DACH2: variants seen among roughly 807,000 people sequenced by gnomAD.
The protein encoded by DACH2 is dachshund homolog 2.
A neutral mutation model predicts 35.8 loss-of-function variants in DACH2; 17 were observed. The ratio of observed to expected loss-of-function variants is 0.48; its 90% confidence interval spans 0.33 to 0.71. DACH2 has a LOEUF of 0.71. Among genes scored for constraint, DACH2 ranks in the 30% least tolerant of loss-of-function variants. The probability of loss-of-function intolerance (pLI) is 0.02; values close to 1 mark genes in which losing one functional copy is unlikely to be tolerated. For synonymous variants in DACH2, 195 were observed against 177.3 expected (o/e 1.10, Z -0.79); for missense variants, 469 against 472.7 (o/e 0.99, Z 0.07).
chrX:86,584,649 ATTAATTTTCTTAGTC>A (rs2039545884), intron 3 of DACH2, among the ~76,000 whole-genome samples: 2 of 110,951 alleles, frequency 1.8e-5, no homozygotes, highest in African/African-American at 3.3e-5. Context: ...TGGGTCATTC[ATTAATTTTCTTAGTC>A]ATAATTTTTG....
At chrX:86,734,696 T>A (rs1192593259) in intron 6 of DACH2, among the ~76,000 whole-genome samples, 1 of 111,345 alleles carries the variant, frequency 9.0e-6, no homozygotes, top group Non-Finnish European at 1.9e-5. Flanking sequence ...GTGTCATGCT[T>A]CCAATAGTAT....
chrX:86,489,679 G>A (rs1046728676), intron 2 of DACH2, among the ~76,000 whole-genome samples: 24 of 111,199 alleles, frequency 2.2e-4, no homozygotes, highest in African/African-American at 2.9e-4. Context: ...AAATGATCTC[G>A]CTTCATAAAT....
At chrX:86,580,606 A>G (rs2039489875) in intron 3 of DACH2, among the ~76,000 whole-genome samples, 1 of 111,933 alleles carries the variant, frequency 8.9e-6, no homozygotes. Flanking sequence ...ACAAGTAATA[A>G]CAGCAGAATC....
chrX:86,148,598 C>A lies in DACH2; in HGVS notation c.-23C>A. 1 of 1,139,839 alleles carries A rather than the reference C, an allele frequency of 8.8e-7. No homozygotes were observed. The highest frequency in any genetic ancestry group is 1.2e-6 in the Non-Finnish European group (1 of 860,129). 93.9% of individuals were successfully genotyped at this position (1,139,839 alleles called of 1,213,427 possible). Reference sequence around the variant, plus strand: ...GGGCGAGAAAGCGAGGGCCGGAGGACCCACGATAGAGACAGAGTGACCATG... The same window carrying A: ...GGGCGAGAAAGCGAGGGCCGGAGGAACCACGATAGAGACAGAGTGACCATG... On this transcript the variant is annotated 5_prime_UTR_variant, in exon 1 of 12. Coordinates refer to ENST00000373125, the MANE Select transcript of DACH2 (RefSeq NM_053281.3).
chrX:86,230,531 C>T lies in DACH2; in HGVS notation c.488+81423C>T, dbSNP rs1340964619. 2.7e-5 allele frequency among the ~76,000 whole-genome samples: 3 copies of T among 111,367 alleles called. No homozygotes were observed. The Admixed American group carries it at 2.9e-4, about 11-fold the overall frequency. The stretch of plus-strand genomic sequence containing the variant: ...GAATTAGGGAGGGTTCCTTCTTTCT[C>T]TCTCTTGTGGAATAGTGTCAAAAGG... On this transcript the variant is annotated intron_variant, in intron 1 of 11. Coordinates refer to ENST00000373125, the MANE Select transcript of DACH2 (RefSeq NM_053281.3).
At chrX:86,171,768 T>C (rs1399883335) in intron 1 of DACH2, among the ~76,000 whole-genome samples, 1 of 111,788 alleles carries the variant, frequency 8.9e-6, no homozygotes. Flanking sequence ...TTTTTCTATC[T>C]CTTCGGTGTC....
chrX:86,446,292 T>C (rs1038586916), intron 2 of DACH2, among the ~76,000 whole-genome samples: 95 of 98,667 alleles, frequency 9.6e-4, no homozygotes, highest in African/African-American at 3.4e-3. Context: ...TTGTTTCTTT[T>C]TTTTTTTTTT....
intron 7 of DACH2, among the ~76,000 whole-genome samples, chrX:86,753,505 G>A (rs887439706): frequency 1.6e-4 from 18 of 111,478 alleles, no homozygotes; most frequent in Admixed American, 5.7e-4. Flanking sequence ...GAGAGTAAAT[G>A]TTATCAAAGT....
intron 4 of DACH2, among the ~76,000 whole-genome samples, chrX:86,669,800 C>T (rs1273163282): frequency 9.0e-6 from 1 of 110,837 alleles, no homozygotes; most frequent in Non-Finnish European, 1.9e-5. Flanking sequence ...TTTCCTAAAC[C>T]CTGGGTTCAT....
chrX:86,197,493 G>A (rs2032022983), intron 1 of DACH2, among the ~76,000 whole-genome samples: 1 of 111,175 alleles, frequency 9.0e-6, no homozygotes, highest in Non-Finnish European at 1.9e-5. Flanking sequence ...AAGATCCAAT[G>A]GTATGCTGTC....
chrX:86,780,801 G>T lies in DACH2; in HGVS notation c.1241-32055G>T, dbSNP rs575104198. Among the ~76,000 whole-genome samples the T allele has an allele frequency of 4.5e-5, 5 of 111,745 alleles. No homozygotes were observed. The East Asian group carries it at 1.4e-3, about 32-fold the overall frequency. Reference sequence around the variant, plus strand: ...CTTTAGTCTAGTTATAGGTTTAGAAGCAAACAGGCTTGTTGGGGATCGCTC... The same window carrying T: ...CTTTAGTCTAGTTATAGGTTTAGAATCAAACAGGCTTGTTGGGGATCGCTC... On this transcript the variant is annotated intron_variant, in intron 7 of 11. Coordinates refer to ENST00000373125, the MANE Select transcript of DACH2 (RefSeq NM_053281.3).
chrX:86,681,242 A>G (rs2040878170), intron 4 of DACH2, among the ~76,000 whole-genome samples: 1 of 111,442 alleles, frequency 9.0e-6, no homozygotes, highest in Non-Finnish European at 1.9e-5. Flanking sequence ...CTAGCACACT[A>G]CTTGAAAAAT....
At chrX:86,467,428 T>G (rs899312482) in intron 2 of DACH2, among the ~76,000 whole-genome samples, 5 of 111,952 alleles carry the variant, frequency 4.5e-5, no homozygotes, top group African/African-American at 1.6e-4. Flanking sequence ...ATCAGCTTTT[T>G]GGTCAAAGCC....
At chrX:86,748,980 GTTCC>G (rs1285301230) in intron 7 of DACH2, among the ~76,000 whole-genome samples, 4 of 111,984 alleles carry the variant, frequency 3.6e-5, no homozygotes, top group African/African-American at 9.7e-5. Context: ...TAAGGAGATT[GTTCC>G]TTTACTTAAA....
At chrX:86,653,616 T>C (rs1250340153) in intron 4 of DACH2, among the ~76,000 whole-genome samples, 1 of 111,069 alleles carries the variant, frequency 9.0e-6, no homozygotes, top group Non-Finnish European at 1.9e-5. Context: ...GAAAAGGATC[T>C]TATTTCTCCT....
intron 1 of DACH2, among the ~76,000 whole-genome samples, chrX:86,256,484 T>A (rs771375792): frequency 9.0e-6 from 1 of 111,368 alleles, no homozygotes; most frequent in East Asian, 2.8e-4. Flanking sequence ...CTTTCAATGG[T>A]TCCATAGGTC....
At chrX:86,554,207 T>C (rs1171373216) in intron 3 of DACH2, among the ~76,000 whole-genome samples, 1 of 111,512 alleles carries the variant, frequency 9.0e-6, no homozygotes, top group Non-Finnish European at 1.9e-5. Flanking sequence ...AAGTATCAAG[T>C]AGAATGGTGT....
intron 3 of DACH2, among the ~76,000 whole-genome samples, chrX:86,515,049 A>G (rs749065136): frequency 1.0e-3 from 114 of 111,764 alleles, no homozygotes; most frequent in African/African-American, 3.4e-3. Context: ...TGAATCTTTA[A>G]AAATCATTAA....
At chrX:86,809,499 A>G (rs1406550488) in intron 7 of DACH2, among the ~76,000 whole-genome samples, 1 of 94,311 alleles carries the variant, frequency 1.1e-5, no homozygotes, top group Non-Finnish European at 2.3e-5. Flanking sequence ...TTTGTAGCAA[A>G]CGAGTTAAAT....
Sources: allele counts gnomAD v4.1 joint callset (sites outside exome capture counted in the v4.1 genomes callset), GRCh38; gene constraint gnomAD v4.1.1; transcripts MANE v1.5; gene names NCBI Gene and HGNC (gene_info 2026-07-23, HGNC 2026-07-21).